Variants in EML6 observed in about 807,000 individuals in gnomAD.
EML6 encodes echinoderm microtubule-associated protein-like 6.
EML6 carries 154 observed loss-of-function variants against 240.1 expected under a neutral mutation model. The ratio of observed to expected loss-of-function variants is 0.64; its 90% CI spans 0.56 to 0.73. The LOEUF is 0.73. EML6 is among the 30% of genes least tolerant of loss of function. EML6 has a pLI of 0.00. For missense variants in EML6, 2,964 were observed against 2,474.6 expected (o/e 1.20, Z -4.20); for synonymous variants, 1,148 against 899.0 (o/e 1.28, Z -4.95).
intron 2 of EML6, among the ~76,000 whole-genome samples, chr2:54,810,123 C>G (rs1267916874): frequency 5.9e-5 from 9 of 152,112 alleles, no homozygotes. Flanking sequence ...AGCTCATTTT[C>G]TTAATGTACC....
chr2:54,791,283 C>T (rs898628858), intron 2 of EML6, among the ~76,000 whole-genome samples: 2 of 152,162 alleles, frequency 1.3e-5, no homozygotes, highest in African/African-American at 2.4e-5. Flanking sequence ...GGTATGCTCA[C>T]GCAAGTGGGT....
At chr2:54,750,177 G>A (rs561098171) in intron 2 of EML6, among the ~76,000 whole-genome samples, 3 of 152,182 alleles carry the variant, frequency 2.0e-5, no homozygotes, top group Admixed American at 1.3e-4. Context: ...CTGAGGGCCC[G>A]ATATTTGGCT....
At chr2:54,781,987 A>T (rs1200531127) in intron 2 of EML6, among the ~76,000 whole-genome samples, 1 of 152,150 alleles carries the variant, frequency 6.6e-6, no homozygotes, top group Non-Finnish European at 1.5e-5. Flanking sequence ...TATCTTTTAA[A>T]TTTCAAATTG....
chr2:54,834,050 T>C (rs1669008435), intron 7 of EML6, among the ~76,000 whole-genome samples: 1 of 152,164 alleles, frequency 6.6e-6, no homozygotes, highest in Non-Finnish European at 1.5e-5. Flanking sequence ...CACCAAAGGA[T>C]TTCAGCTGTA....
At chr2:54,924,829 C>T (rs1041761729) in intron 26 of EML6, among the ~76,000 whole-genome samples, 10 of 152,156 alleles carry the variant, frequency 6.6e-5, no homozygotes, top group African/African-American at 2.2e-4. Context: ...TCCCAAAGTG[C>T]TGGGATTACA....
At chr2:54,828,650 C>T (rs547639203) in intron 6 of EML6, among the ~76,000 whole-genome samples, 16 of 152,316 alleles carry the variant, frequency 1.1e-4, no homozygotes, top group Middle Eastern at 6.8e-3. Flanking sequence ...AATAATAGGT[C>T]AGTATTTGTC....
At chr2:54,755,375 A>G (rs1019155361) in intron 2 of EML6, among the ~76,000 whole-genome samples, 10 of 152,270 alleles carry the variant, frequency 6.6e-5, no homozygotes, top group African/African-American at 2.2e-4. Flanking sequence ...TTTAGAATTG[A>G]TCTGTCAATT....
chr2:54,890,572 C>T (rs765221404), intron 17 of EML6, among the ~76,000 whole-genome samples: 2 of 152,166 alleles, frequency 1.3e-5, no homozygotes, highest in South Asian at 2.1e-4. Flanking sequence ...GCTTCAACTT[C>T]TAAACAATAT....
chr2:54,964,572 A>G lies in EML6; in HGVS notation c.5332A>G (p.Ile1778Val). The change falls in exon 38 of 42, where the codon ATC becomes GTC. Residue 1778 changes from isoleucine (I) to valine (V), a missense_variant and splice_region_variant. By Grantham distance (29) the Ile-to-Val change is conservative. Transcript: ENST00000356458. ...DRKSAIQDIR[I>V]SPDNRFLAVG... ...CTGCTCTCGGATTGCTTTTTCTAGAATCAGCCCAGACAACCGATTCTTAGC... is the reference window on the plus strand; with the variant it reads ...CTGCTCTCGGATTGCTTTTTCTAGAGTCAGCCCAGACAACCGATTCTTAGC... The G allele has an allele frequency of 6.4e-7, 1 of 1,552,306 alleles. No homozygotes were observed. The highest frequency in any genetic ancestry group is 8.7e-7 in the Non-Finnish European group (1 of 1,147,094).
At chr2:54,888,588 C>T (rs1672282670) in intron 17 of EML6, among the ~76,000 whole-genome samples, 1 of 152,116 alleles carries the variant, frequency 6.6e-6, no homozygotes, top group Non-Finnish European at 1.5e-5. Flanking sequence ...TTACCTTTTC[C>T]AGAATGTCAT....
intron 2 of EML6, among the ~76,000 whole-genome samples, chr2:54,757,515 G>C (rs1450800601): frequency 6.6e-6 from 1 of 152,116 alleles, no homozygotes; most frequent in Non-Finnish European, 1.5e-5. Context: ...AAGTGTTCCA[G>C]GAGTAAAATG....
rs1183224965 is a variant in EML6, at chr2:54,867,014, A to G, written c.2051+130A>G. Reference sequence around the variant, plus strand: ...TCCTCCTGGCTAGCTCTTCTCTGCAATGTGCACTTGTACCTGTGGTTGCTA... The same window carrying G: ...TCCTCCTGGCTAGCTCTTCTCTGCAGTGTGCACTTGTACCTGTGGTTGCTA... On this transcript the variant is annotated intron_variant, in intron 14 of 41. Transcript: ENST00000356458. The G allele has an allele frequency of 7.0e-6, 4 of 568,228 alleles. No homozygotes were observed. In the African/African-American group the frequency reaches 7.5e-5, roughly 11 times the overall value. The allele number at this position is 568,228 out of a possible 1,614,324, so 35.2% of individuals were successfully genotyped here.
chr2:54,895,191 T>G lies in EML6; in HGVS notation c.2855-82T>G, dbSNP rs1019457646. On this transcript the variant is annotated intron_variant, in intron 20 of 41. Transcript: ENST00000356458. ...CAAGGCTGACTGCCTAGTACCTAGTTCTTTGGAGCTATAAAAATTGAATTT... is the reference window on the plus strand; with the variant it reads ...CAAGGCTGACTGCCTAGTACCTAGTGCTTTGGAGCTATAAAAATTGAATTT... 10 of 1,464,640 alleles carry G rather than the reference T, an allele frequency of 6.8e-6. No homozygotes were observed. The African/African-American group carries it at 8.5e-5, about 12-fold the overall frequency. The allele number at this position is 1,464,640 out of a possible 1,614,324, so 90.7% of individuals were successfully genotyped here. A position where few individuals can be genotyped will look rare whatever the true frequency, so the allele number is the denominator to read the frequency against.
chr2:54,743,562 G>A (rs1361574558), intron 2 of EML6, among the ~76,000 whole-genome samples: 1 of 152,134 alleles, frequency 6.6e-6, no homozygotes, highest in Admixed American at 6.6e-5. Flanking sequence ...TGACTCCAAA[G>A]CCATGTTCTT....
chr2:54,881,145 T>A (rs1431489784), intron 17 of EML6: 1 of 152,170 alleles, frequency 6.6e-6, no homozygotes, highest in Non-Finnish European at 1.5e-5. Flanking sequence ...CATTTTGGAT[T>A]GACATTAGCC....
chr2:54,888,582 C>G (rs945728085), intron 17 of EML6, among the ~76,000 whole-genome samples: 8 of 152,044 alleles, frequency 5.3e-5, no homozygotes, highest in Non-Finnish European at 7.4e-5. Context: ...TAGTTTTTAC[C>G]TTTTCCAGAA....
intron 2 of EML6, among the ~76,000 whole-genome samples, chr2:54,802,470 T>TA (rs1670205280): frequency 6.6e-6 from 1 of 151,480 alleles, no homozygotes; most frequent in Non-Finnish European, 1.5e-5. Context: ...TACAAAAAAA[T>TA]AAAAAAATTA....
intron 2 of EML6, among the ~76,000 whole-genome samples, chr2:54,735,598 A>T (rs964902646): frequency 2.6e-5 from 4 of 152,246 alleles, no homozygotes; most frequent in South Asian, 2.1e-4. Context: ...ACTGGCCTAG[A>T]TGGAAAATAC....
At chr2:54,793,799 C>G (rs923245538) in intron 2 of EML6, among the ~76,000 whole-genome samples, 1 of 152,104 alleles carries the variant, frequency 6.6e-6, no homozygotes, top group Non-Finnish European at 1.5e-5. Flanking sequence ...TTCCCCAACT[C>G]CCACCTCCTG....
Sources: allele counts gnomAD v4.1 joint callset (sites outside exome capture counted in the v4.1 genomes callset), GRCh38; gene constraint gnomAD v4.1.1; transcripts MANE v1.5; gene names NCBI Gene and HGNC (gene_info 2026-07-23, HGNC 2026-07-21).